DYSF: variants seen among roughly 807,000 people sequenced by gnomAD.
The protein encoded by DYSF is dystrophy-associated fer-1-like 1.
Under a neutral mutation model 274.9 loss-of-function variants are expected in DYSF, and 212 were observed. The ratio of observed to expected loss-of-function variants is 0.77; its 90% CI spans 0.69 to 0.86. The LOEUF is 0.86. Ranked by LOEUF, DYSF falls within the 40% of genes least tolerant of loss-of-function variation. The probability of loss-of-function intolerance (pLI) is 0.00; values close to 1 mark genes in which losing one functional copy is unlikely to be tolerated. For synonymous variants in DYSF, 1,091 were observed against 1,078.7 expected (o/e 1.01, Z -0.22); for missense variants, 2,666 against 2,783.2 (o/e 0.96, Z 0.95).
intron 4 of DYSF, among the ~76,000 whole-genome samples, chr2:71,504,385 G>T (rs985327081): frequency 1.3e-5 from 2 of 152,194 alleles, no homozygotes; most frequent in South Asian, 4.1e-4. Flanking sequence ...TCCCAGGAAA[G>T]TCCATCTGTT....
intron 7 of DYSF, among the ~76,000 whole-genome samples, chr2:71,515,031 T>C (rs2086512633): frequency 6.6e-6 from 1 of 152,078 alleles, no homozygotes; most frequent in Admixed American, 6.5e-5. Context: ...CCAGTAAATA[T>C]CTTATTTTTT....
intron 47 of DYSF, among the ~76,000 whole-genome samples, chr2:71,666,102 G>A (rs1432394028): frequency 4.1e-5 from 6 of 147,812 alleles, no homozygotes; most frequent in African/African-American, 7.6e-5. Flanking sequence ...AGCCAGGCTC[G>A]GCCATAAGGC....
chr2:71,588,888 G>A (rs1332157603), intron 30 of DYSF: 1 of 154,218 alleles, frequency 6.5e-6, no homozygotes, highest in East Asian at 1.9e-4. Flanking sequence ...AAGTGCATCG[G>A]AGAGCTGGGT....
At chr2:71,598,832 C>A in intron 33 of DYSF, 87 bp downstream of exon 33, 12 of 1,498,414 alleles carry the variant, frequency 8.0e-6, no homozygotes, top group Admixed American at 1.8e-5. Flanking sequence ...GGCTGCCCAG[C>A]CAGATGGGTG....
intron 1 of DYSF, among the ~76,000 whole-genome samples, chr2:71,454,967 T>C (rs1375383099): frequency 1.3e-5 from 2 of 151,056 alleles, no homozygotes; most frequent in East Asian, 3.9e-4. Context: ...AGTGTGAACC[T>C]CCCACCCAGC....
At chr2:71,493,613 AG>A (rs1224978571) in intron 3 of DYSF, among the ~76,000 whole-genome samples, 5 of 152,188 alleles carry the variant, frequency 3.3e-5, no homozygotes, top group African/African-American at 1.2e-4. Context: ...GCACTTTGGG[AG>A]GCCAAGGTGG....
chr2:71,503,401 C>A, intron 4 of DYSF, 82 bp downstream of exon 4: 1 of 1,396,476 alleles, frequency 7.2e-7, no homozygotes, highest in Non-Finnish European at 1.0e-6. Flanking sequence ...CATTCTGACC[C>A]CAGACATGCA....
chr2:71,629,741 A>G (rs899222138), intron 41 of DYSF, among the ~76,000 whole-genome samples: 1 of 152,188 alleles, frequency 6.6e-6, no homozygotes, highest in Non-Finnish European at 1.5e-5. Flanking sequence ...CAGCTCAGCC[A>G]TGCATTTAAA....
In DYSF at chr2:71,520,289, G is replaced by C. The variant is rs996801927; in HGVS notation, c.1033+81G>C. On this transcript the variant is annotated intron_variant, in intron 11 of 55. Transcript: ENST00000410020. ...GGGACACTCATTTGGGGTCCTCACT[G>C]TCCCTCCTGGGGGTTTTAGAATCTA... is the stretch of plus-strand genomic sequence containing the variant. The C allele has an allele frequency of 6.2e-6, 9 of 1,445,178 alleles. No individual in the cohort carries two copies. In the African/African-American group the frequency reaches 1.1e-4, roughly 18 times the overall value. The allele number at this position is 1,445,178 out of a possible 1,614,324, so 89.5% of individuals were successfully genotyped here.
At chr2:71,460,627 A>G (rs2081245231) in intron 1 of DYSF, among the ~76,000 whole-genome samples, 1 of 152,186 alleles carries the variant, frequency 6.6e-6, no homozygotes, top group South Asian at 2.1e-4. Flanking sequence ...CTGATTAGGG[A>G]GAAGTCCAGG....
At chr2:71,619,360 A>G (rs2094033709) in intron 40 of DYSF, among the ~76,000 whole-genome samples, 1 of 151,972 alleles carries the variant, frequency 6.6e-6, no homozygotes, top group African/African-American at 2.4e-5. Context: ...CCTCCTGCGT[A>G]TGCTTCTGGC....
chr2:71,614,657 C>G (rs1249575534), intron 40 of DYSF, among the ~76,000 whole-genome samples: 1 of 152,182 alleles, frequency 6.6e-6, no homozygotes, highest in Non-Finnish European at 1.5e-5. Flanking sequence ...CCAGGCTAAG[C>G]TCAGGGGAGC....
intron 45 of DYSF, among the ~76,000 whole-genome samples, chr2:71,663,831 G>A (rs2094945995): frequency 1.3e-5 from 2 of 152,160 alleles, no homozygotes; most frequent in Admixed American, 1.3e-4. Context: ...TTGCTCTGGA[G>A]TACCAGTCGT....
At chr2:71,612,857 C>T in intron 39 of DYSF, 51 bp downstream of exon 39, 4 of 1,575,854 alleles carry the variant, frequency 2.5e-6, no homozygotes, top group Non-Finnish European at 3.5e-6. Flanking sequence ...AGCCTCAGGG[C>T]CAAGCTACCC....
At position 71,589,873 on chromosome 2, in the gene DYSF, A is replaced by G. The variant is rs1473228; in HGVS notation, c.3496+187A>G. ...CGCGTGCGTGCACGTGTCCGTGCCTATCTGTGTGGTGTGTCCACCCACTCA... is the reference window on the plus strand; with the variant it reads ...CGCGTGCGTGCACGTGTCCGTGCCTGTCTGTGTGGTGTGTCCACCCACTCA... On this transcript the variant is annotated intron_variant, in intron 31 of 55. Coordinates refer to ENST00000410020, the MANE Select transcript of DYSF (RefSeq NM_001130987.2). 0.67 allele frequency among the ~76,000 whole-genome samples: 102,596 copies of G among 152,034 alleles called. 35,070 individuals are homozygous for G. The highest frequency in any genetic ancestry group is 0.83 in the East Asian group (4,264 of 5,152).
intron 30 of DYSF, among the ~76,000 whole-genome samples, chr2:71,586,363 G>C (rs1267771787): frequency 6.6e-6 from 1 of 152,160 alleles, no homozygotes; most frequent in Non-Finnish European, 1.5e-5. Context: ...GAGGTAGAGG[G>C]AGAAGGTCAG....
chr2:71,622,130 G>GTATTTTTTTTTTTTTTTTTTT (rs775688599), intron 41 of DYSF, among the ~76,000 whole-genome samples: 1 of 97,004 alleles, frequency 1.0e-5, no homozygotes, highest in Non-Finnish European at 2.0e-5. Flanking sequence ...TGATTTCTTT[G>GTATTTTTTTTTTTTTTTTTTT]TTTTTTTTTT....
intron 14 of DYSF, among the ~76,000 whole-genome samples, chr2:71,531,459 G>A (rs2088691924): frequency 6.6e-6 from 1 of 151,880 alleles, no homozygotes; most frequent in Admixed American, 6.6e-5. Context: ...TGAACAAGGT[G>A]ACTCTCTGCC....
rs746381434 is a variant in DYSF, at chr2:71,513,779, T to C, written c.617T>C (p.Leu206Pro). The C allele has an allele frequency of 1.2e-5, 20 of 1,614,168 alleles. No individual in the cohort carries two copies. The highest frequency in any genetic ancestry group is 2.2e-5 in the South Asian group (2 of 91,086). Reference protein sequence around the residue: ...GLTGDEAEPFLDQSGGPGAPT... With the variant: ...GLTGDEAEPFPDQSGGPGAPT... ...ACTGGAGATGAGGCGGAGCCATTCC[T>C]GGATCAAAGCGGAGGCCCGGGGGCT... The change falls in exon 7 of 56, where the codon CTG becomes CCG. Residue 206 changes from leucine to proline, a missense_variant. Physicochemically the swap from Leu to Pro is moderately conservative, Grantham distance 98. Around this residue, in one of 3 missense-constraint regions of DYSF, gnomAD observed 794 missense variants for 777.1 expected, o/e 1.02. Coordinates refer to ENST00000410020, the MANE Select transcript of DYSF (RefSeq NM_001130987.2).
Sources: gnomAD v4.1 joint callset for allele counts (sites outside exome capture counted in the v4.1 genomes callset) on GRCh38, gnomAD v4.1.1 for gene constraint, gnomAD v4.1.1 regional missense constraint, MANE v1.5 for transcripts, NCBI Gene and HGNC (gene_info 2026-07-23, HGNC 2026-07-21) for gene names.